LIMS2: variants seen among roughly 807,000 people sequenced by gnomAD.
LIMS2 encodes the protein LIM and senescent cell antigen-like-containing domain protein 2.
Under a neutral mutation model 45.3 loss-of-function variants are expected in LIMS2, and 30 were observed. The observed-to-expected ratio is 0.66, with a 90% CI of 0.50 to 0.90. LIMS2 has a LOEUF of 0.90. LIMS2 is among the 40% of genes least tolerant of loss of function. LIMS2 has a pLI of 0.00. For synonymous variants in LIMS2, 173 were observed against 188.0 expected, an observed-to-expected ratio of 0.92 and a Z score of 0.65; for missense variants, 485 against 468.7, an observed-to-expected ratio of 1.03 and a Z score of -0.32.
intron 4 of LIMS2, chr2:127,651,106 G>A: frequency 1.9e-6 from 3 of 1,613,528 alleles, no homozygotes; most frequent in South Asian, 1.1e-5. Context: ...TTCCTCACCT[G>A]CATCAGCGCC....
chr2:127,648,195 A>G (rs982326110), intron 4 of LIMS2: 1 of 985,342 alleles, frequency 1.0e-6, no homozygotes, highest in African/African-American at 1.7e-5. Context: ...GACTAAGAAC[A>G]GACCCTGTTC....
At chr2:127,666,936 G>T (rs1417482693) in intron 1 of LIMS2, among the ~76,000 whole-genome samples, 1 of 152,156 alleles carries the variant, frequency 6.6e-6, no homozygotes, top group Non-Finnish European at 1.5e-5. Flanking sequence ...GACACGTGGG[G>T]ATTATAGGGA....
chr2:127,642,991 G>C lies in LIMS2; in HGVS notation c.441C>G (p.Ile147Met), dbSNP rs199563092. Reference sequence around the variant, plus strand: ...TCCTGAACATGAGGGGCTGCTCGTCGATGACCAGGTGGCACCGCTGGCAGA... The same window carrying C: ...TCCTGAACATGAGGGGCTGCTCGTCCATGACCAGGTGGCACCGCTGGCAGA... ...KYICQRCHLVIDEQPLMFRSD... is the reference protein window; with the variant it reads ...KYICQRCHLVMDEQPLMFRSD... Residue 147 changes from isoleucine (I) to methionine (M), a missense_variant, in exon 5 of 10, where the codon ATC (isoleucine) becomes ATG (methionine). Coordinates refer to ENST00000355119, the MANE Select transcript of LIMS2 (RefSeq NM_001161403.3). The surrounding 1 kb of genome is among the most constrained non-coding windows in gnomAD (Gnocchi z 5.3). 6.3e-7 allele frequency: 1 copy of C among 1,576,558 alleles called. No homozygotes were observed. The highest frequency in any genetic ancestry group is 1.8e-5 in the Admixed American group (1 of 54,346).
At chr2:127,676,826 G>A (rs777580656), upstream of LIMS2, among the ~76,000 whole-genome samples, 3 of 152,202 alleles carry the variant, frequency 2.0e-5, no homozygotes, top group Non-Finnish European at 4.4e-5. Context: ...CTGGGGCCGT[G>A]CACCAGAAAT....
rs755312050 is a variant in LIMS2, at chr2:127,639,339, AGCTTCTTCAGCC to A, written c.956_967del (p.Arg319_Lys322del). The A allele has an allele frequency of 3.1e-6, 5 of 1,613,952 alleles. No homozygotes were observed. Among genetic ancestry groups the A allele is most frequent in the Non-Finnish European group, 2.5e-6 (3 of 1,179,954 alleles). ...GGCCTTGCGGGAGGTCAGCTCCGAC[AGCTTCTTCAGCC>A]GCTTCTTCAGCTCCAGCGGGAACTT... On this transcript the variant is annotated inframe_deletion, in exon 10 of 10. Transcript: ENST00000355119.
At chr2:127,676,480 C>T (rs769132253), upstream of LIMS2, among the ~76,000 whole-genome samples, 14 of 143,166 alleles carry the variant, frequency 9.8e-5, no homozygotes, top group Non-Finnish European at 1.6e-4. Flanking sequence ...GGTGCAATCT[C>T]CGCTCACTGC....
intron 4 of LIMS2, among the ~76,000 whole-genome samples, chr2:127,648,471 G>A (rs1683238498): frequency 6.6e-6 from 1 of 152,130 alleles, no homozygotes. Context: ...TAGGGCTAGG[G>A]CCACCACCAT....
Position 127,647,892 on chromosome 2 carries a change from C to T in LIMS2, c.360-4820G>A, listed in dbSNP as rs1683176413. 2 of 446,506 alleles carry T rather than the reference C, an allele frequency of 4.5e-6. No homozygotes were observed. Among genetic ancestry groups the T allele is most frequent in the Non-Finnish European group, 5.9e-6 (2 of 336,918 alleles). 27.7% of individuals were successfully genotyped at this position (446,506 alleles called of 1,614,324 possible). On this transcript the variant is annotated intron_variant, in intron 4 of 9. Transcript: ENST00000355119. The surrounding 1 kb of genome is among the most constrained non-coding windows in gnomAD (Gnocchi z 4.3). ...CCTGCCACCGTCCCACCGGTACCTG[C>T]TCCCTGTTCTCCCCTGCCTCACAGG...
chr2:127,679,102 C>T (rs907384638), upstream of LIMS2, among the ~76,000 whole-genome samples: 2 of 151,988 alleles, frequency 1.3e-5, no homozygotes, highest in Admixed American at 1.3e-4. This position sits in a 1 kb window ranked among gnomAD's most constrained non-coding sequence, Gnocchi z 5.3. Context: ...CACACTGCTG[C>T]GTGCAGAGGC....
At position 127,653,566 on chromosome 2, in the gene LIMS2, G is replaced by A. The variant is rs112500181; in HGVS notation, c.359+858C>T. Among the ~76,000 whole-genome samples, 12 of 152,294 alleles carry A rather than the reference G, an allele frequency of 7.9e-5. No homozygotes were observed. Among genetic ancestry groups the A allele is most frequent in the African/African-American group, 2.9e-4 (12 of 41,572 alleles). ...CACGGAGCCCCAGACGACTCCCCAT[G>A]GAGAGACAGGGAGAAAGGTGACTCA... On this transcript the variant is annotated intron_variant, in intron 4 of 9. Transcript: ENST00000355119. This position sits in a 1 kb window ranked among gnomAD's most constrained non-coding sequence, Gnocchi z 5.3.
At chr2:127,680,428 G>A (rs1322612340), upstream of LIMS2, among the ~76,000 whole-genome samples, 2 of 152,180 alleles carry the variant, frequency 1.3e-5, no homozygotes, top group Non-Finnish European at 2.9e-5. Context: ...ACTCTAGCCT[G>A]GGCAGCAGAG....
intron 1 of LIMS2, among the ~76,000 whole-genome samples, chr2:127,660,178 G>A (rs914857919): frequency 1.3e-5 from 2 of 152,176 alleles, no homozygotes. Flanking sequence ...ACACCAATCA[G>A]CACTTGGTAA....
At position 127,672,795 on chromosome 2, in the gene LIMS2, G is replaced by C. The variant is rs1558903949; in HGVS notation, c.11+2219C>G. The stretch of plus-strand genomic sequence containing the variant: ...GGTGGCTCCCCACAGCCCTCCCTCT[G>C]CTCTTGCCTGGTGAGGTCCTAGGGA... On this transcript the variant is annotated intron_variant, in intron 1 of 9. Coordinates refer to ENST00000355119, the MANE Select transcript of LIMS2 (RefSeq NM_001161403.3). This position sits in a 1 kb window ranked among gnomAD's most constrained non-coding sequence, Gnocchi z 4.9. Among the ~76,000 whole-genome samples the C allele has an allele frequency of 6.6e-6, 1 of 152,248 alleles. No individual in the cohort carries two copies. The highest frequency in any genetic ancestry group is 2.1e-4 in the South Asian group (1 of 4,832).
At chr2:127,648,987 GGGA>G (rs1290592804) in intron 4 of LIMS2, among the ~76,000 whole-genome samples, 61 of 28,602 alleles carry the variant, frequency 2.1e-3, no homozygotes, top group Admixed American at 3.4e-3. Flanking sequence ...GGGAGGGGAG[GGGA>G]GGGAGGGGAG....
intron 1 of LIMS2, among the ~76,000 whole-genome samples, chr2:127,662,383 G>A (rs928055721): frequency 6.6e-6 from 1 of 151,960 alleles, no homozygotes; most frequent in Non-Finnish European, 1.5e-5. Flanking sequence ...CTGCAGCACA[G>A]CCCAGGGAGC....
chr2:127,665,156 A>G (rs1684939803), intron 1 of LIMS2, among the ~76,000 whole-genome samples: 1 of 152,154 alleles, frequency 6.6e-6, no homozygotes. Flanking sequence ...TAGGCATCCA[A>G]ACTGTGACCA....
At chr2:127,657,654 T>C in intron 1 of LIMS2, 92 bp from the exon 2 acceptor site, 1 of 1,331,038 alleles carries the variant, frequency 7.5e-7, no homozygotes, top group Non-Finnish European at 1.0e-6. Context: ...ACACACCTCG[T>C]ATTAAAAAGT....
intron 4 of LIMS2, chr2:127,651,405 C>G: frequency 6.2e-7 from 1 of 1,612,800 alleles, no homozygotes. Flanking sequence ...GCAGGGCCTG[C>G]GTGTGGAGAA....
At position 127,664,644 on chromosome 2, in the gene LIMS2, G is replaced by A. The variant is rs1684908047; in HGVS notation, c.12-7082C>T. The A allele has an allele frequency of 9.3e-7, 1 of 1,080,782 alleles. No homozygotes were observed. The highest frequency in any genetic ancestry group is 1.1e-6 in the Non-Finnish European group (1 of 890,970). 66.9% of individuals were successfully genotyped at this position (1,080,782 alleles called of 1,614,324 possible). On this transcript the variant is annotated intron_variant, in intron 1 of 9. Coordinates refer to ENST00000355119, the MANE Select transcript of LIMS2 (RefSeq NM_001161403.3). The surrounding 1 kb of genome is among the most constrained non-coding windows in gnomAD (Gnocchi z 5.5). ...CTGAAAGCTGAGGCTGGCGGGGGTT[G>A]GGTCCCGCTGGGAGGGGACTGGTCT...
Sources: allele counts gnomAD v4.1 joint callset (sites outside exome capture counted in the v4.1 genomes callset), GRCh38; gene constraint gnomAD v4.1.1; non-coding constraint Gnocchi (gnomAD v3.1); transcripts MANE v1.5; gene names NCBI Gene and HGNC (gene_info 2026-07-23, HGNC 2026-07-21).